Variants in PRKG1 observed in about 807,000 individuals in gnomAD.
PRKG1 encodes the protein protein kinase cGMP-dependent 1.
A neutral mutation model predicts 88.1 loss-of-function variants in PRKG1; 35 were observed. That is an observed-to-expected ratio of 0.40 (90% CI 0.30 to 0.53). The LOEUF is 0.53. Among genes scored for constraint, PRKG1 ranks in the 20% least tolerant of loss-of-function variants. PRKG1 has a pLI of 0.59. For synonymous variants in PRKG1, 303 were observed against 292.5 expected (o/e 1.04, Z -0.37); for missense variants, 540 against 839.8 (o/e 0.64, Z 4.41).
intron 3 of PRKG1, among the ~76,000 whole-genome samples, chr10:51,527,689 C>G (rs1417361262): frequency 2.0e-5 from 3 of 152,166 alleles, no homozygotes; most frequent in African/African-American, 7.2e-5. Flanking sequence ...GTCTCTTTAA[C>G]TAAACATTCA....
At position 52,268,868 on chromosome 10, in the gene PRKG1, G is replaced by A. The variant is rs541372657; in HGVS notation, c.1174-2482G>A. ...CATCAATGAATGCCCATTTGGTGGT[G>A]CGTTTTCATTTAGGATCATAATAAC... On this transcript the variant is annotated intron_variant, in intron 10 of 17. Coordinates refer to ENST00000373980, the MANE Select transcript of PRKG1 (RefSeq NM_006258.4). Among the ~76,000 whole-genome samples the A allele has an allele frequency of 5.9e-5, 9 of 152,054 alleles. No individual in the cohort carries two copies. In the South Asian group the frequency reaches 1.5e-3, roughly 25 times the overall value.
intron 2 of PRKG1, among the ~76,000 whole-genome samples, chr10:51,253,028 A>G (rs1839466670): frequency 1.3e-5 from 2 of 151,896 alleles, no homozygotes; most frequent in Non-Finnish European, 2.9e-5. Context: ...AGAGATTTTT[A>G]CAGTCCCTCT....
chr10:51,278,986 C>T (rs1273695862), intron 2 of PRKG1, among the ~76,000 whole-genome samples: 2 of 151,894 alleles, frequency 1.3e-5, no homozygotes, highest in Admixed American at 1.3e-4. Context: ...TTATTTCTTG[C>T]CTTCTGCTAG....
chr10:51,087,165 A>G (rs1844273727), intron 1 of PRKG1, among the ~76,000 whole-genome samples: 2 of 152,148 alleles, frequency 1.3e-5, no homozygotes, highest in Admixed American at 1.3e-4. Flanking sequence ...TGCTCAAATT[A>G]GGCTCACTTT....
At chr10:52,179,093 C>T (rs959540075) in intron 9 of PRKG1, among the ~76,000 whole-genome samples, 5 of 144,998 alleles carry the variant, frequency 3.4e-5, no homozygotes, top group Admixed American at 6.9e-5. Context: ...CTTTCTTCCT[C>T]CCTTGTTTAT....
chr10:51,117,269 C>A (rs914196572), intron 1 of PRKG1, among the ~76,000 whole-genome samples: 2 of 152,144 alleles, frequency 1.3e-5, no homozygotes, highest in Non-Finnish European at 2.9e-5. Context: ...CATAATGCTT[C>A]TTTGTGCACA....
intron 3 of PRKG1, among the ~76,000 whole-genome samples, chr10:51,682,395 G>T (rs986120384): frequency 6.6e-6 from 1 of 152,114 alleles, no homozygotes; most frequent in South Asian, 2.1e-4. Flanking sequence ...TCCTTCTCTG[G>T]TAACAAATCT....
At chr10:52,096,880 T>C (rs55867610) in intron 7 of PRKG1, among the ~76,000 whole-genome samples, 5,108 of 152,290 alleles carry the variant, frequency 0.034, 282 homozygotes, top group African/African-American at 0.12. Flanking sequence ...ATTGTAAGTT[T>C]CTGTTGTTAT....
intron 3 of PRKG1, among the ~76,000 whole-genome samples, chr10:51,516,351 G>A (rs1841583320): frequency 6.6e-6 from 1 of 151,974 alleles, no homozygotes; most frequent in Non-Finnish European, 1.5e-5. Flanking sequence ...CCTCTCTACT[G>A]AACCTGCAGT....
At chr10:51,349,868 G>T (rs758412090) in intron 2 of PRKG1, among the ~76,000 whole-genome samples, 1 of 152,056 alleles carries the variant, frequency 6.6e-6, no homozygotes, top group Non-Finnish European at 1.5e-5. Context: ...GGAGTACCAA[G>T]AAATAAAGAG....
At chr10:52,125,608 C>T (rs946644736) in intron 7 of PRKG1, 1 of 152,126 alleles carries the variant, frequency 6.6e-6, no homozygotes, top group Non-Finnish European at 1.5e-5. Flanking sequence ...TGTCTTCCAC[C>T]CACAAATGTA....
rs552050951 is a variant in PRKG1 at position 52,062,606 on chromosome 10, T to A, written c.910T>A (p.Trp304Arg). 15 of 1,608,710 alleles carry A rather than the reference T, an allele frequency of 9.3e-6. No individual in the cohort carries two copies. The highest frequency in any genetic ancestry group is 1.2e-5 in the Non-Finnish European group (14 of 1,177,522). The change falls in exon 7 of 18, where the codon TGG becomes AGG. Residue 304 changes from tryptophan to arginine, a missense_variant. Physicochemically the swap from Trp to Arg is moderately radical, Grantham distance 101 (BLOSUM62 -3). Around this residue, in one of 5 missense-constraint regions of PRKG1, gnomAD observed 400 missense variants for 562.7 expected, o/e 0.71. Coordinates refer to ENST00000373980, the MANE Select transcript of PRKG1 (RefSeq NM_006258.4). ...VFLRTLGKGD[W>R]FGEKALQGED... ...TCTTAGAACTTTAGGAAAAGGAGACTGGTTTGGAGAGAAAGCCTTGCAGGG... is the reference window on the plus strand; with the variant it reads ...TCTTAGAACTTTAGGAAAAGGAGACAGGTTTGGAGAGAAAGCCTTGCAGGG...
intron 3 of PRKG1, among the ~76,000 whole-genome samples, chr10:51,775,182 T>C (rs1166337964): frequency 6.6e-6 from 1 of 152,182 alleles, no homozygotes; most frequent in East Asian, 1.9e-4. Context: ...CTGTGATTTA[T>C]GACAATACAA....
intron 8 of PRKG1, among the ~76,000 whole-genome samples, chr10:52,150,472 C>T (rs986147912): frequency 1.3e-5 from 2 of 152,020 alleles, no homozygotes; most frequent in Non-Finnish European, 2.9e-5. Flanking sequence ...TTGTACAATC[C>T]TAATACATGC....
chr10:51,988,263 TA>T (rs1481817404), intron 5 of PRKG1, among the ~76,000 whole-genome samples: 1 of 152,130 alleles, frequency 6.6e-6, no homozygotes, highest in Non-Finnish European at 1.5e-5. Flanking sequence ...CTGATTAATA[TA>T]TTTTTGAGAT....
At chr10:51,241,505 G>A (rs1352385990) in intron 2 of PRKG1, among the ~76,000 whole-genome samples, 2 of 152,172 alleles carry the variant, frequency 1.3e-5, no homozygotes, top group Non-Finnish European at 2.9e-5. Context: ...CTTTAAGTCA[G>A]TGAATTAGCA....
chr10:51,324,414 T>C (rs1396822452), intron 2 of PRKG1, among the ~76,000 whole-genome samples: 2 of 152,132 alleles, frequency 1.3e-5, no homozygotes, highest in African/African-American at 4.8e-5. Flanking sequence ...TCTACATTGC[T>C]GCAAACGACA....
chr10:51,895,747 A>C (rs2132918478), intron 4 of PRKG1, among the ~76,000 whole-genome samples: 1 of 152,198 alleles, frequency 6.6e-6, no homozygotes, highest in Non-Finnish European at 1.5e-5. Flanking sequence ...CTAGAAGATA[A>C]GGTGCTTCTT....
intron 3 of PRKG1, among the ~76,000 whole-genome samples, chr10:51,502,200 C>T (rs1009752207): frequency 2.0e-5 from 3 of 152,022 alleles, no homozygotes; most frequent in Non-Finnish European, 2.9e-5. Context: ...AGCCATATTC[C>T]GAGGGATAAC....
Sources: allele counts gnomAD v4.1 joint callset (sites outside exome capture counted in the v4.1 genomes callset), GRCh38; gene constraint gnomAD v4.1.1; regional missense constraint gnomAD v4.1.1; transcripts MANE v1.5; gene names NCBI Gene and HGNC (gene_info 2026-07-23, HGNC 2026-07-21).